The following AFF1 variants were observed in gnomAD, a reference collection of about 807,000 sequenced individuals.
AFF1 encodes the protein AF4/FMR2 family member 1.
AFF1 carries 48 observed loss-of-function variants against 121.7 expected under a neutral mutation model. That is an observed-to-expected ratio of 0.39 (90% CI 0.31 to 0.50). The LOEUF (loss-of-function observed/expected upper bound fraction) is 0.50. AFF1 is among the 20% of genes least tolerant of loss of function. The probability of loss-of-function intolerance (pLI) is 0.76; values close to 1 mark genes in which losing one functional copy is unlikely to be tolerated. For missense variants in AFF1, 1,523 were observed against 1,511.7 expected, an observed-to-expected ratio of 1.01 and a Z score of -0.12; for synonymous variants, 613 against 563.0, an observed-to-expected ratio of 1.09 and a Z score of -1.26.
intron 2 of AFF1, chr4:87,036,878 G>T (rs1729623254): frequency 4.3e-6 from 2 of 470,078 alleles, no homozygotes; most frequent in Non-Finnish European, 8.5e-6. Context: ...CATCGCTGAG[G>T]CTGGAGTGCA....
intron 19 of AFF1, 36 bp downstream of exon 19, chr4:87,132,444 T>C: frequency 6.4e-7 from 1 of 1,561,158 alleles, no homozygotes; most frequent in Non-Finnish European, 8.6e-7. Context: ...TTTCCAGAAT[T>C]GAGTCATTTC....
chr4:87,007,112 G>C (rs1295034516), intron 2 of AFF1: 3 of 1,263,492 alleles, frequency 2.4e-6, no homozygotes, highest in African/African-American at 1.6e-5. Flanking sequence ...CGCCGGGGGC[G>C]CTCGCTTGCC....
rs752216858 is a variant in AFF1, at chr4:87,012,217, CTTGTTT to C, written c.39-33946_39-33941del. On this transcript the variant is annotated intron_variant, in intron 2 of 20. Transcript: ENST00000395146. ...GTTAGCAAACTTCTCCATTTCATTT[CTTGTTT>C]TTTTTTTTTTTTGTATAACTATACA... 4.6e-3 allele frequency among the ~76,000 whole-genome samples: 533 copies of C among 115,090 alleles called. 10 individuals are homozygous for C. The highest frequency in any genetic ancestry group is 0.015 in the African/African-American group (503 of 34,622). The allele number at this position is 115,090 out of a possible 152,430, so 75.5% of individuals were successfully genotyped here.
chr4:86,995,404 C>A (rs1429496543), intron 2 of AFF1, among the ~76,000 whole-genome samples: 9 of 150,214 alleles, frequency 6.0e-5, no homozygotes, highest in Admixed American at 2.7e-4. Context: ...CTCACTGCAA[C>A]CTCCCTGCCT....
At chr4:86,948,770 G>A (rs1218018042) in intron 2 of AFF1, among the ~76,000 whole-genome samples, 199 bp downstream of exon 2, 14 of 152,104 alleles carry the variant, frequency 9.2e-5, no homozygotes, top group Admixed American at 3.9e-4. Context: ...TCTAGCAATC[G>A]CTGAGTCTGT....
chr4:87,123,205 T>C (rs1396054725), intron 12 of AFF1, among the ~76,000 whole-genome samples: 1 of 152,234 alleles, frequency 6.6e-6, no homozygotes, highest in Non-Finnish European at 1.5e-5. Flanking sequence ...AACATTTTAA[T>C]AATTATATCT....
At chr4:87,043,371 G>A (rs1730352233) in intron 2 of AFF1, among the ~76,000 whole-genome samples, 1 of 152,180 alleles carries the variant, frequency 6.6e-6, no homozygotes, top group Non-Finnish European at 1.5e-5. Flanking sequence ...TAGAAGCTTA[G>A]ATGCTCAGAG....
chr4:87,089,589 G>A (rs236674), intron 5 of AFF1, among the ~76,000 whole-genome samples: 121,655 of 152,156 alleles, frequency 0.8, 48,735 homozygotes, highest in African/African-American at 0.83. Flanking sequence ...AGGAAATGCA[G>A]TAAAGAAGCT....
intron 2 of AFF1, among the ~76,000 whole-genome samples, chr4:87,032,624 T>C (rs116149481): frequency 3.2e-3 from 486 of 152,332 alleles, no homozygotes; most frequent in African/African-American, 0.011. Flanking sequence ...GAATTTTGTC[T>C]CTTTTTATGA....
chr4:87,067,124 A>G (rs999358551), intron 4 of AFF1, among the ~76,000 whole-genome samples: 3 of 152,232 alleles, frequency 2.0e-5, no homozygotes, highest in Admixed American at 2.0e-4. Context: ...AAGTTTGGTT[A>G]ATGACAGAAG....
chr4:86,994,906 A>G (rs1189370511), intron 2 of AFF1, among the ~76,000 whole-genome samples: 1 of 152,056 alleles, frequency 6.6e-6, no homozygotes, highest in Admixed American at 6.6e-5. Context: ...AGGCTACTGA[A>G]GTTGGTCCAA....
At chr4:86,985,044 AAC>A (rs112650315) in intron 2 of AFF1, among the ~76,000 whole-genome samples, 6,253 of 150,934 alleles carry the variant, frequency 0.041, 424 homozygotes, top group African/African-American at 0.14. Flanking sequence ...AACAAAATCA[AAC>A]AGTTTAAAAC....
At chr4:87,024,754 AATTT>A (rs1023038178) in intron 2 of AFF1, among the ~76,000 whole-genome samples, 3 of 151,760 alleles carry the variant, frequency 2.0e-5, no homozygotes, top group Non-Finnish European at 4.4e-5. Context: ...ACGCCTGGCT[AATTT>A]ATTTATTTAT....
At chr4:87,054,336 A>T (rs1178678644) in intron 4 of AFF1, among the ~76,000 whole-genome samples, 1 of 152,182 alleles carries the variant, frequency 6.6e-6, no homozygotes, top group South Asian at 2.1e-4. Flanking sequence ...CAAGGATCAC[A>T]CTGAACTGAT....
Position 87,127,568 on chromosome 4 carries a change from C to G in AFF1, c.2904-75C>G, listed in dbSNP as rs1578313949. The G allele has an allele frequency of 4.3e-6, 6 of 1,407,672 alleles. No individual in the cohort carries two copies. In the East Asian group the frequency reaches 1.4e-4, roughly 32 times the overall value. 87.2% of individuals were successfully genotyped at this position (1,407,672 alleles called of 1,614,324 possible). ...CTTGCTGTCCTCCCATCCTTTTTCA[C>G]TCTTGGTCTTATCTTGCCCTAGTCT... is the stretch of plus-strand genomic sequence containing the variant. On this transcript the variant is annotated intron_variant, in intron 15 of 20. Coordinates refer to ENST00000395146, the MANE Select transcript of AFF1 (RefSeq NM_001166693.3).
intron 16 of AFF1, among the ~76,000 whole-genome samples, chr4:87,128,412 A>G (rs549846634): frequency 3.3e-5 from 5 of 152,334 alleles, no homozygotes; most frequent in Non-Finnish European, 7.3e-5. Context: ...GCCCTTTGTC[A>G]TATTTAGATA....
At chr4:87,039,962 C>T (rs1368735539) in intron 2 of AFF1, among the ~76,000 whole-genome samples, 2 of 152,062 alleles carry the variant, frequency 1.3e-5, no homozygotes, top group African/African-American at 2.4e-5. Context: ...AGTGCAGTGG[C>T]GCGATCTCGG....
intron 4 of AFF1, among the ~76,000 whole-genome samples, chr4:87,056,191 C>T (rs1238220618): frequency 6.6e-6 from 1 of 151,980 alleles, no homozygotes; most frequent in African/African-American, 2.4e-5. Flanking sequence ...CTAGAGGCCT[C>T]AGTATTTAAG....
intron 2 of AFF1, among the ~76,000 whole-genome samples, chr4:86,983,109 G>A (rs1723908894): frequency 6.6e-6 from 1 of 152,062 alleles, no homozygotes; most frequent in African/African-American, 2.4e-5. Flanking sequence ...ACTTTGTCAG[G>A]CCAGGCACAG....
Sources: gnomAD v4.1 joint callset for allele counts (sites outside exome capture counted in the v4.1 genomes callset) on GRCh38, gnomAD v4.1.1 for gene constraint, MANE v1.5 for transcripts, NCBI Gene and HGNC (gene_info 2026-07-23, HGNC 2026-07-21) for gene names.